Variants in DCC observed in about 807,000 individuals in gnomAD.
The protein encoded by DCC is DCC netrin 1 receptor.
A neutral mutation model predicts 172.5 loss-of-function variants in DCC; 58 were observed. That is an observed-to-expected ratio of 0.34 (90% confidence interval 0.27 to 0.42). The LOEUF is 0.42. Ranked by LOEUF, DCC falls within the 10% of genes least tolerant of loss-of-function variation. The pLI, the probability that DCC is intolerant of heterozygous loss-of-function variation, is 1.00. For synonymous variants in DCC, 709 were observed against 644.5 expected, an observed-to-expected ratio of 1.10 and a Z score of -1.52; for missense variants, 1,740 against 1,791.0, an observed-to-expected ratio of 0.97 and a Z score of 0.51.
At chr18:52,695,562 TA>T (rs1476314938) in intron 1 of DCC, among the ~76,000 whole-genome samples, 1 of 152,206 alleles carries the variant, frequency 6.6e-6, no homozygotes, top group African/African-American at 2.4e-5. Flanking sequence ...TTTATGTTCA[TA>T]AATCAGCAAC....
chr18:52,986,813 TATACACACACACACATATACATACAC>T (rs1482800983), intron 5 of DCC, among the ~76,000 whole-genome samples: 9 of 145,710 alleles, frequency 6.2e-5, no homozygotes, highest in African/African-American at 2.1e-4. Flanking sequence ...GTAGTATATA[TATACACACACACACATATACATACAC>T]ACACACACAC....
intron 2 of DCC, among the ~76,000 whole-genome samples, chr18:52,782,402 G>A (rs16955498): frequency 0.024 from 3,633 of 152,128 alleles, 55 homozygotes; most frequent in Non-Finnish European, 0.038. Context: ...TACAAGTCAG[G>A]AGATGAAATT....
Position 53,346,904 on chromosome 18 carries a change from A to C in DCC, c.2359+6997A>C, listed in dbSNP as rs183845415. ...TCTGAGTTTTATTACAATCCTTGAAAATTTTTTGATATATTGGTTTTAGAA... is the reference window on the plus strand; with the variant it reads ...TCTGAGTTTTATTACAATCCTTGAACATTTTTTGATATATTGGTTTTAGAA... On this transcript the variant is annotated intron_variant, in intron 15 of 28. Coordinates refer to ENST00000442544, the MANE Select transcript of DCC (RefSeq NM_005215.4). Among the ~76,000 whole-genome samples the C allele has an allele frequency of 4.5e-3, 691 of 152,236 alleles. 8 individuals are homozygous for C. Among genetic ancestry groups the C allele is most frequent in the African/African-American group, 0.016 (670 of 41,562 alleles).
chr18:52,570,183 C>T (rs2584210), intron 1 of DCC, among the ~76,000 whole-genome samples: 1 of 152,244 alleles, frequency 6.6e-6, no homozygotes, highest in African/African-American at 2.4e-5. Context: ...CTCTAACGGC[C>T]TGACAGGTAG....
intron 1 of DCC, among the ~76,000 whole-genome samples, chr18:52,480,695 G>A (rs1002275828): frequency 3.3e-5 from 5 of 152,152 alleles, no homozygotes; most frequent in Non-Finnish European, 7.4e-5. Flanking sequence ...AGGTGTCTTT[G>A]TGTTTTCTGG....
chr18:53,227,985 C>A (rs1460141610), intron 12 of DCC, among the ~76,000 whole-genome samples: 1 of 152,066 alleles, frequency 6.6e-6, no homozygotes, highest in East Asian at 1.9e-4. Flanking sequence ...AAATTGATAT[C>A]TTTTTAAAAT....
chr18:53,106,468 C>T (rs1231269073), intron 7 of DCC, among the ~76,000 whole-genome samples: 1 of 151,914 alleles, frequency 6.6e-6, no homozygotes, highest in Admixed American at 6.6e-5. Flanking sequence ...AGAACCTGTT[C>T]AGCGGGTGCT....
chr18:52,747,752 G>T (rs955380604), intron 1 of DCC, among the ~76,000 whole-genome samples: 1 of 152,104 alleles, frequency 6.6e-6, no homozygotes, highest in Admixed American at 6.5e-5. Flanking sequence ...TTATATACTG[G>T]TGGGCAAAAT....
chr18:52,868,083 A>ATG (rs149140659), intron 2 of DCC, among the ~76,000 whole-genome samples: 45,260 of 135,336 alleles, frequency 0.33, 8,234 homozygotes, highest in Middle Eastern at 0.45. Context: ...GTGTGTATAT[A>ATG]TGTGTGTATA....
intron 2 of DCC, among the ~76,000 whole-genome samples, chr18:52,773,100 G>A (rs373160971): frequency 1.4e-4 from 22 of 152,146 alleles, no homozygotes; most frequent in East Asian, 9.6e-4. Context: ...CTGCTGTAAC[G>A]ATTAACAGCA....
intron 2 of DCC, among the ~76,000 whole-genome samples, chr18:52,832,198 G>T (rs1440034092): frequency 1.3e-5 from 2 of 152,108 alleles, no homozygotes; most frequent in African/African-American, 2.4e-5. Context: ...GTGACTGATT[G>T]GTATGCTATG....
chr18:53,392,412 A>C (rs1908609564), intron 17 of DCC, among the ~76,000 whole-genome samples: 1 of 152,144 alleles, frequency 6.6e-6, no homozygotes, highest in Non-Finnish European at 1.5e-5. Flanking sequence ...ATGGTAAAGA[A>C]AACTCACAAT....
At chr18:53,522,570 G>A (rs2046411081) in intron 27 of DCC, among the ~76,000 whole-genome samples, 1 of 152,008 alleles carries the variant, frequency 6.6e-6, no homozygotes, top group African/African-American at 2.4e-5. Context: ...CCAAAACAGA[G>A]ATATAAACCA....
chr18:52,846,176 G>A (rs953627556), intron 2 of DCC, among the ~76,000 whole-genome samples: 4 of 152,140 alleles, frequency 2.6e-5, no homozygotes, highest in South Asian at 2.1e-4. Context: ...GAAAAGTACC[G>A]TTAAATTTCT....
At chr18:53,172,782 C>T (rs2055033354) in intron 8 of DCC, among the ~76,000 whole-genome samples, 1 of 151,918 alleles carries the variant, frequency 6.6e-6, no homozygotes, top group African/African-American at 2.4e-5. Flanking sequence ...TGTCTTTTAC[C>T]CAAAGTTCCC....
chr18:53,084,181 G>T (rs2042846198), intron 7 of DCC, among the ~76,000 whole-genome samples: 1 of 152,182 alleles, frequency 6.6e-6, no homozygotes, highest in Non-Finnish European at 1.5e-5. Flanking sequence ...AGGTGGCTCA[G>T]GGCATCACAT....
At chr18:53,178,699 G>A (rs746250587) in intron 8 of DCC, among the ~76,000 whole-genome samples, 4 of 151,994 alleles carry the variant, frequency 2.6e-5, no homozygotes, top group African/African-American at 9.7e-5. Flanking sequence ...GTAAAGTGTC[G>A]AGGAAAAAGA....
intron 23 of DCC, among the ~76,000 whole-genome samples, chr18:53,457,314 A>G (rs2045494976): frequency 6.6e-6 from 1 of 152,246 alleles, no homozygotes; most frequent in Non-Finnish European, 1.5e-5. Flanking sequence ...AAACTAGCAA[A>G]TAAATGAATA....
chr18:52,692,803 A>G (rs1160206065), intron 1 of DCC, among the ~76,000 whole-genome samples: 1 of 152,144 alleles, frequency 6.6e-6, no homozygotes, highest in Admixed American at 6.6e-5. Context: ...CTATAGTTAT[A>G]CCATTTATTA....
Sources: allele counts gnomAD v4.1 joint callset (sites outside exome capture counted in the v4.1 genomes callset), GRCh38; gene constraint gnomAD v4.1.1; transcripts MANE v1.5; gene names NCBI Gene and HGNC (gene_info 2026-07-23, HGNC 2026-07-21).